MSRB3: variants seen among roughly 807,000 people sequenced by gnomAD.
MSRB3 encodes methionine-R-sulfoxide reductase B3.
MSRB3 carries 13 observed loss-of-function variants against 21.0 expected under a neutral mutation model. The observed-to-expected ratio is 0.62, with a 90% CI of 0.40 to 0.98. MSRB3 has a LOEUF of 0.98. Ranked by LOEUF, MSRB3 falls within the 50% of genes least tolerant of loss-of-function variation. The pLI is 0.00. For missense variants in MSRB3, 199 were observed against 230.3 expected, an observed-to-expected ratio of 0.86 and a Z score of 0.88; for synonymous variants, 87 against 88.6, an observed-to-expected ratio of 0.98 and a Z score of 0.10.
At chr12:65,394,646 A>G (rs1016043317) in intron 5 of MSRB3, among the ~76,000 whole-genome samples, 1 of 152,240 alleles carries the variant, frequency 6.6e-6, no homozygotes, top group Non-Finnish European at 1.5e-5. Flanking sequence ...AAGGAAGGAA[A>G]ACTGTAGGTC....
At chr12:65,414,641 TAGGCTAAC>T (rs1262717618) in intron 5 of MSRB3, among the ~76,000 whole-genome samples, 1 of 152,110 alleles carries the variant, frequency 6.6e-6, no homozygotes, top group Non-Finnish European at 1.5e-5. Flanking sequence ...AACAACAAAA[TAGGCTAAC>T]AGCACATTTC....
chr12:65,419,230 C>G, intron 5 of MSRB3: 5 of 721,498 alleles, frequency 6.9e-6, no homozygotes, highest in Non-Finnish European at 2.5e-6. Flanking sequence ...CAGCCCTTCT[C>G]AGTTCTTCCG....
At chr12:65,403,453 C>A (rs1880242382) in intron 5 of MSRB3, among the ~76,000 whole-genome samples, 1 of 152,150 alleles carries the variant, frequency 6.6e-6, no homozygotes. Context: ...GACGCCCCTC[C>A]CCCCACCAAG....
intron 5 of MSRB3, among the ~76,000 whole-genome samples, chr12:65,398,453 G>T (rs1358353572): frequency 1.3e-5 from 2 of 151,504 alleles, no homozygotes; most frequent in Non-Finnish European, 3.0e-5. Flanking sequence ...TTTTTGATGG[G>T]GTTTGTTTTT....
intron 4 of MSRB3, among the ~76,000 whole-genome samples, chr12:65,354,006 A>G (rs1283546862): frequency 1.3e-5 from 2 of 152,002 alleles, no homozygotes; most frequent in Admixed American, 6.6e-5. Flanking sequence ...GCTGGATATG[A>G]AATTCTGGGT....
intron 6 of MSRB3, among the ~76,000 whole-genome samples, chr12:65,459,406 G>A (rs573408770): frequency 1.3e-5 from 2 of 152,304 alleles, no homozygotes; most frequent in Non-Finnish European, 2.9e-5. Flanking sequence ...TAGGGCTTCA[G>A]ACTCACAGCC....
chr12:65,423,120 G>A (rs1379688406), intron 5 of MSRB3, among the ~76,000 whole-genome samples: 1 of 151,830 alleles, frequency 6.6e-6, no homozygotes, highest in East Asian at 1.9e-4. Flanking sequence ...GTGCCACCAT[G>A]CCTGACTAAT....
chr12:65,307,407 A>T (rs781021819), intron 1 of MSRB3, among the ~76,000 whole-genome samples: 1 of 152,138 alleles, frequency 6.6e-6, no homozygotes, highest in Non-Finnish European at 1.5e-5. Context: ...ATTACTGTTT[A>T]TTATATGTTT....
rs563866295 is a variant in MSRB3 at position 65,353,804 on chromosome 12, C to T, written c.264-15194C>T. On this transcript the variant is annotated intron_variant, in intron 4 of 6. Coordinates refer to ENST00000308259, the MANE Select transcript of MSRB3 (RefSeq NM_001031679.3). ...TGGTGATTTTGCTCGTTAGTTGATG[C>T]AGTTTCTTCTTAGCCTCGATGGTCT... Among the ~76,000 whole-genome samples, 29 of 152,258 alleles carry T rather than the reference C, an allele frequency of 1.9e-4. No homozygotes were observed. The East Asian group carries it at 5.6e-3, about 29-fold the overall frequency.
At chr12:65,434,335 T>C (rs2136668727) in intron 5 of MSRB3, among the ~76,000 whole-genome samples, 1 of 152,032 alleles carries the variant, frequency 6.6e-6, no homozygotes, top group East Asian at 1.9e-4. Context: ...TCTGCCCGTC[T>C]ACCTCTGTTC....
rs58173378 is a variant in MSRB3, at chr12:65,379,168, TTCCATCCATCCATCCATCCA to T, written c.292+10173_292+10192del. Among the ~76,000 whole-genome samples, 10 of 148,448 alleles carry T rather than the reference TTCCATCCATCCATCCATCCA, an allele frequency of 6.7e-5. 1 individual carries two copies. In the South Asian group the frequency reaches 1.3e-3, roughly 19 times the overall value. On this transcript the variant is annotated intron_variant, in intron 5 of 6. Transcript: ENST00000308259. ...TGGCCACAACTTCATTCAACCATCC[TTCCATCCATCCATCCATCCA>T]TCCATCCATCCATCCATCCATCCAT...
At chr12:65,393,131 C>T (rs960832588) in intron 5 of MSRB3, among the ~76,000 whole-genome samples, 21 of 149,512 alleles carry the variant, frequency 1.4e-4, no homozygotes, top group African/African-American at 4.9e-4. Context: ...ATTTTTTTTT[C>T]TTGATAGTAT....
chr12:65,453,972 C>A, intron 6 of MSRB3, 147 bp downstream of exon 6: 2 of 725,124 alleles, frequency 2.8e-6, no homozygotes, highest in South Asian at 2.9e-5. Flanking sequence ...TGCCTATGTT[C>A]AGGTGTTTAG....
intron 5 of MSRB3, among the ~76,000 whole-genome samples, chr12:65,424,891 C>G (rs1014038581): frequency 7.8e-6 from 1 of 128,460 alleles, no homozygotes; most frequent in East Asian, 2.2e-4. Context: ...TATCTGTCCA[C>G]TATTGAAAGT....
At chr12:65,457,629 A>G (rs1418232335) in intron 6 of MSRB3, among the ~76,000 whole-genome samples, 2 of 152,204 alleles carry the variant, frequency 1.3e-5, no homozygotes, top group Non-Finnish European at 2.9e-5. Context: ...GCTTTTGCAC[A>G]ACAAAAGAAA....
intron 5 of MSRB3, among the ~76,000 whole-genome samples, chr12:65,449,129 T>C (rs898919399): frequency 6.6e-6 from 1 of 151,822 alleles, no homozygotes; most frequent in East Asian, 1.9e-4. Flanking sequence ...CCTGGGTTCA[T>C]GCCATTCTCC....
At chr12:65,309,664 G>C (rs926138718) in intron 2 of MSRB3, among the ~76,000 whole-genome samples, 1 of 152,182 alleles carries the variant, frequency 6.6e-6, no homozygotes, top group African/African-American at 2.4e-5. Context: ...AGGAAGGGAA[G>C]ATCTCTGAAG....
chr12:65,383,466 T>G (rs1879046956), intron 5 of MSRB3, among the ~76,000 whole-genome samples: 1 of 152,122 alleles, frequency 6.6e-6, no homozygotes, highest in Non-Finnish European at 1.5e-5. Flanking sequence ...TACACATACC[T>G]AAGGAAAAAG....
At chr12:65,401,463 T>C (rs953188569) in intron 5 of MSRB3, among the ~76,000 whole-genome samples, 3 of 152,210 alleles carry the variant, frequency 2.0e-5, no homozygotes, top group African/African-American at 7.2e-5. Flanking sequence ...ATTTGCTTGG[T>C]AAATCTTCCT....
Sources: allele counts gnomAD v4.1 joint callset (sites outside exome capture counted in the v4.1 genomes callset), GRCh38; gene constraint gnomAD v4.1.1; transcripts MANE v1.5; gene names NCBI Gene and HGNC (gene_info 2026-07-23, HGNC 2026-07-21).